Variants in ARHGAP15 observed in about 807,000 individuals in gnomAD.
ARHGAP15 encodes the protein Rho GTPase activating protein 15.
ARHGAP15 carries 51 observed loss-of-function variants against 63.7 expected under a neutral mutation model. The ratio of observed to expected loss-of-function variants is 0.80; its 90% CI spans 0.64 to 1.01. The LOEUF (loss-of-function observed/expected upper bound fraction) is 1.01. Among genes scored for constraint, ARHGAP15 ranks in the 50% least tolerant of loss-of-function variants. The pLI is 0.00. For synonymous variants in ARHGAP15, 191 were observed against 193.8 expected (o/e 0.99, Z 0.12); for missense variants, 560 against 564.6 (o/e 0.99, Z 0.08).
chr2:143,496,022 T>C (rs894134047), intron 9 of ARHGAP15, among the ~76,000 whole-genome samples: 5 of 152,224 alleles, frequency 3.3e-5, no homozygotes, highest in African/African-American at 1.2e-4. Flanking sequence ...TGGTTCAAAA[T>C]TGAACTGTGA....
chr2:143,533,527 T>G (rs1383433093), intron 10 of ARHGAP15, among the ~76,000 whole-genome samples: 1 of 152,198 alleles, frequency 6.6e-6, no homozygotes, highest in East Asian at 1.9e-4. Flanking sequence ...TTCACACTTT[T>G]GAGTATTACC....
intron 6 of ARHGAP15, among the ~76,000 whole-genome samples, chr2:143,329,927 C>CA (rs374076426): frequency 0.44 from 47,559 of 109,030 alleles, 11,067 homozygotes; most frequent in African/African-American, 0.6. Flanking sequence ...CCCATCACTA[C>CA]AAAAAAAAAA....
At chr2:143,534,811 G>A (rs927555370) in intron 10 of ARHGAP15, among the ~76,000 whole-genome samples, 2 of 151,878 alleles carry the variant, frequency 1.3e-5, no homozygotes, top group Admixed American at 6.6e-5. Flanking sequence ...GCCTGGAGAG[G>A]TTGAGGCTGC....
intron 6 of ARHGAP15, among the ~76,000 whole-genome samples, chr2:143,378,293 GAAACAGTTT>G (rs1167518774): frequency 6.6e-6 from 1 of 151,948 alleles, no homozygotes; most frequent in Non-Finnish European, 1.5e-5. Flanking sequence ...CTGGAGATAC[GAAACAGTTT>G]ATTAAACAGA....
chr2:143,312,409 T>C (rs1236914102), intron 6 of ARHGAP15, among the ~76,000 whole-genome samples: 3 of 152,126 alleles, frequency 2.0e-5, no homozygotes, highest in Non-Finnish European at 2.9e-5. Context: ...TAACATTTGA[T>C]CGTATGTTTT....
At chr2:143,537,925 G>A (rs1357456934) in intron 10 of ARHGAP15, among the ~76,000 whole-genome samples, 2 of 151,848 alleles carry the variant, frequency 1.3e-5, no homozygotes, top group Admixed American at 6.6e-5. Flanking sequence ...GAAAGTCATT[G>A]GTAGCTTGAT....
intron 13 of ARHGAP15, among the ~76,000 whole-genome samples, chr2:143,715,742 A>T (rs1358651297): frequency 6.6e-6 from 1 of 152,102 alleles, no homozygotes; most frequent in Non-Finnish European, 1.5e-5. Context: ...CCAATTTATC[A>T]ATTTTTGCTT....
chr2:143,654,593 CCAGT>C (rs1454590297), intron 12 of ARHGAP15, among the ~76,000 whole-genome samples: 1 of 152,062 alleles, frequency 6.6e-6, no homozygotes, highest in Admixed American at 6.6e-5. Flanking sequence ...TCAGATTTTG[CCAGT>C]CATTCTGAGA....
chr2:143,246,923 G>A (rs1056248094), intron 5 of ARHGAP15, among the ~76,000 whole-genome samples: 51 of 152,210 alleles, frequency 3.4e-4, no homozygotes, highest in African/African-American at 1.2e-3. Flanking sequence ...AGGTCCTGGA[G>A]AGGATGGCCA....
At chr2:143,429,357 C>A (rs1689285803) in intron 6 of ARHGAP15, among the ~76,000 whole-genome samples, 1 of 151,868 alleles carries the variant, frequency 6.6e-6, no homozygotes, top group African/African-American at 2.4e-5. Context: ...GAACAAATCT[C>A]TGTTGTACGA....
chr2:143,148,764 T>G (rs760310193), intron 1 of ARHGAP15, among the ~76,000 whole-genome samples: 5 of 152,098 alleles, frequency 3.3e-5, no homozygotes, highest in Non-Finnish European at 2.9e-5. Context: ...CTCATTATAT[T>G]TGACATTTTT....
At chr2:143,198,218 G>A (rs1365667484) in intron 2 of ARHGAP15, among the ~76,000 whole-genome samples, 5 of 151,954 alleles carry the variant, frequency 3.3e-5, no homozygotes, top group Non-Finnish European at 7.4e-5. Flanking sequence ...ACCATGCCTG[G>A]CAGATAATAA....
At chr2:143,356,361 G>A (rs749235905) in intron 6 of ARHGAP15, among the ~76,000 whole-genome samples, 1 of 152,000 alleles carries the variant, frequency 6.6e-6, no homozygotes, top group Non-Finnish European at 1.5e-5. Context: ...AATTAATATA[G>A]GTACTGCTCC....
At chr2:143,621,699 T>G (rs1418805892) in intron 11 of ARHGAP15, among the ~76,000 whole-genome samples, 1 of 152,212 alleles carries the variant, frequency 6.6e-6, no homozygotes, top group African/African-American at 2.4e-5. Context: ...GTTAATATTA[T>G]ATGGTATTTT....
chr2:143,379,513 G>A (rs1426335710), intron 6 of ARHGAP15, among the ~76,000 whole-genome samples: 3 of 151,226 alleles, frequency 2.0e-5, no homozygotes, highest in African/African-American at 7.3e-5. Flanking sequence ...GTGTGTGTGT[G>A]TGTGTGTGTG....
intron 11 of ARHGAP15, among the ~76,000 whole-genome samples, chr2:143,614,463 TTTG>T (rs377005936): frequency 6.6e-6 from 1 of 152,310 alleles, no homozygotes; most frequent in African/African-American, 2.4e-5. Flanking sequence ...GTCTTCAGTA[TTTG>T]TTAAGTGTTT....
chr2:143,592,111 A>T (rs1697344644), intron 11 of ARHGAP15, among the ~76,000 whole-genome samples: 1 of 151,948 alleles, frequency 6.6e-6, no homozygotes, highest in Non-Finnish European at 1.5e-5. Flanking sequence ...TAATTCCCTC[A>T]TTTTTTTCTG....
intron 11 of ARHGAP15, among the ~76,000 whole-genome samples, chr2:143,565,465 A>G (rs1051439413): frequency 6.6e-6 from 1 of 152,184 alleles, no homozygotes; most frequent in Non-Finnish European, 1.5e-5. Context: ...GATTCTACAA[A>G]ATAAGAGAAT....
chr2:143,411,758 A>C lies in ARHGAP15; in HGVS notation c.475-23843A>C, dbSNP rs551488151. ...TACATGTTAGTGGAAAAAGTCAATA[A>C]ATCAAATAAGCAAAAATACATGTCA... On this transcript the variant is annotated intron_variant, in intron 6 of 13. Transcript: ENST00000295095. 1.5e-3 allele frequency among the ~76,000 whole-genome samples: 222 copies of C among 152,342 alleles called. 2 individuals are homozygous for C. The highest frequency in any genetic ancestry group is 5.2e-3 in the African/African-American group (218 of 41,568).
Sources: allele counts gnomAD v4.1 joint callset (sites outside exome capture counted in the v4.1 genomes callset), GRCh38; gene constraint gnomAD v4.1.1; transcripts MANE v1.5; gene names NCBI Gene and HGNC (gene_info 2026-07-23, HGNC 2026-07-21).